Variants in DHX29 observed in about 807,000 individuals in gnomAD.
DHX29 encodes the protein DExH-box helicase 29, also known as ATP-dependent RNA helicase DHX29.
A neutral mutation model predicts 167.9 loss-of-function variants in DHX29; 79 were observed. The observed-to-expected ratio is 0.47, with a 90% CI of 0.39 to 0.57. DHX29 has a LOEUF of 0.57. DHX29 is among the 20% of genes least tolerant of loss of function. DHX29 has a pLI of 0.00. For synonymous variants in DHX29, 530 were observed against 546.0 expected (o/e 0.97, Z 0.41); for missense variants, 1,347 against 1,593.4 (o/e 0.85, Z 2.63).
chr5:55,307,113 A>C (rs1402673587), intron 1 of DHX29, among the ~76,000 whole-genome samples: 1 of 152,160 alleles, frequency 6.6e-6, no homozygotes, highest in Non-Finnish European at 1.5e-5. Context: ...CTGAAACAGG[A>C]GCTAATGCAA....
At chr5:55,260,630 T>C (rs902268175) in intron 25 of DHX29, among the ~76,000 whole-genome samples, 1 of 152,206 alleles carries the variant, frequency 6.6e-6, no homozygotes, top group South Asian at 2.1e-4. Context: ...ACAATCCAGT[T>C]ATAAAACATT....
intron 13 of DHX29, 40 bp from the exon 14 acceptor site, chr5:55,276,446 C>A: frequency 1.3e-6 from 2 of 1,491,706 alleles, no homozygotes; most frequent in South Asian, 1.3e-5. Flanking sequence ...AATTCAAATT[C>A]GTTTCAGTAA....
intron 17 of DHX29, among the ~76,000 whole-genome samples, 175 bp from the exon 18 acceptor site, chr5:55,272,350 C>T (rs1347404994): frequency 1.3e-5 from 2 of 152,148 alleles, no homozygotes; most frequent in Middle Eastern, 3.2e-3. Context: ...GTTTTGTCAG[C>T]TTAGCTTACT....
intron 23 of DHX29, 75 bp from the exon 24 acceptor site, chr5:55,263,007 T>G: frequency 9.0e-7 from 1 of 1,114,840 alleles, no homozygotes; most frequent in Non-Finnish European, 1.3e-6. Flanking sequence ...GTAGTTTATA[T>G]TACTGCTTCC....
chr5:55,278,209 A>C (rs1351754382), intron 12 of DHX29, among the ~76,000 whole-genome samples: 1 of 152,182 alleles, frequency 6.6e-6, no homozygotes, highest in Non-Finnish European at 1.5e-5. Flanking sequence ...AACTTTCTGT[A>C]CTGTGACTTA....
At chr5:55,269,942 G>C (rs1042080779) in intron 20 of DHX29, among the ~76,000 whole-genome samples, 2 of 152,070 alleles carry the variant, frequency 1.3e-5, no homozygotes, top group Non-Finnish European at 2.9e-5. Context: ...GGATATTATA[G>C]ATCTTTCAGT....
intron 22 of DHX29, among the ~76,000 whole-genome samples, 173 bp downstream of exon 22, chr5:55,267,513 G>A (rs1746638228): frequency 6.6e-6 from 1 of 151,968 alleles, no homozygotes; most frequent in Non-Finnish European, 1.5e-5. Context: ...TTAAGTTTTA[G>A]GAAGGATTAT....
intron 23 of DHX29, among the ~76,000 whole-genome samples, chr5:55,264,126 C>G (rs530663573): frequency 6.6e-6 from 1 of 151,344 alleles, no homozygotes; most frequent in Non-Finnish European, 1.5e-5. Context: ...GAGACCCCAT[C>G]TATTTAAAAA....
intron 6 of DHX29, among the ~76,000 whole-genome samples, chr5:55,293,199 G>A (rs1051479677): frequency 1.1e-4 from 17 of 152,314 alleles, no homozygotes; most frequent in South Asian, 4.1e-4. Flanking sequence ...CATATGGGCT[G>A]TTTGCAGTGT....
At chr5:55,284,004 T>C (rs538259888) in intron 10 of DHX29, among the ~76,000 whole-genome samples, 193 bp from the exon 11 acceptor site, 2 of 152,348 alleles carry the variant, frequency 1.3e-5, no homozygotes, top group South Asian at 4.1e-4. Flanking sequence ...TCTTAAAATA[T>C]AATTTGACTC....
chr5:55,301,379 T>G (rs1054476637), intron 1 of DHX29, among the ~76,000 whole-genome samples: 1 of 152,152 alleles, frequency 6.6e-6, no homozygotes, highest in Non-Finnish European at 1.5e-5. Flanking sequence ...CTCAGGTTCC[T>G]TAGGACCTCC....
At chr5:55,285,947 C>T (rs1044849269) in intron 8 of DHX29, 86 bp from the exon 9 acceptor site, 2 of 1,131,250 alleles carry the variant, frequency 1.8e-6, no homozygotes, top group South Asian at 1.9e-5. Context: ...CTTTGGAGAA[C>T]AGCACTTTTA....
chr5:55,285,218 CA>C, intron 10 of DHX29, 74 bp downstream of exon 10: 1 of 1,561,326 alleles, frequency 6.4e-7, no homozygotes, highest in African/African-American at 1.4e-5. Context: ...AAGAAACAGT[CA>C]ATAAAGAGAA....
intron 13 of DHX29, among the ~76,000 whole-genome samples, chr5:55,276,709 A>G (rs1043619748): frequency 6.6e-6 from 1 of 152,202 alleles, no homozygotes; most frequent in Non-Finnish European, 1.5e-5. Context: ...AATATGTAGA[A>G]AGGAAGCTTC....
intron 20 of DHX29, 62 bp downstream of exon 20, chr5:55,270,350 A>ATTTT: frequency 6.7e-7 from 1 of 1,498,392 alleles, no homozygotes; most frequent in Admixed American, 2.5e-5. Flanking sequence ...TTAGGTGTTC[A>ATTTT]TTTTTTTTCT....
chr5:55,269,243 C>CCA (rs747406989), intron 21 of DHX29, among the ~76,000 whole-genome samples, 170 bp downstream of exon 21: 3 of 72,666 alleles, frequency 4.1e-5, no homozygotes, highest in Admixed American at 1.6e-4. Context: ...GACCCTGTCT[C>CCA]AAAAAAAAAA....
At chr5:55,271,236 C>T (rs1746839966) in intron 18 of DHX29, among the ~76,000 whole-genome samples, 1 of 152,156 alleles carries the variant, frequency 6.6e-6, no homozygotes, top group African/African-American at 2.4e-5. Flanking sequence ...CCTATTTATT[C>T]AATATAAACA....
chr5:55,307,643 T>A lies in DHX29; in HGVS notation c.-70A>T. ...GTACCACTGCACAGCCGAGAGCTCT[T>A]CACATTCCCCGGCTCCGGGGCTGCC... is the stretch of plus-strand genomic sequence containing the variant. On this transcript the variant is annotated 5_prime_UTR_variant, in exon 1 of 27. It removes the in-frame stop codon of an upstream open reading frame in the 5' UTR. Coordinates refer to ENST00000251636, the MANE Select transcript of DHX29 (RefSeq NM_019030.4). The A allele has an allele frequency of 6.4e-7, 1 of 1,562,070 alleles. No individual in the cohort carries two copies. The highest frequency in any genetic ancestry group is 2.3e-5 in the East Asian group (1 of 44,338).
rs758460795 is a variant in DHX29, at chr5:55,283,631, T to C, written c.1537A>G (p.Lys513Glu). Residue 513 changes from lysine (K) to glutamate (E), a missense_variant, in exon 11 of 27, where the codon AAG (lysine) becomes GAG (glutamate). Coordinates refer to ENST00000251636, the MANE Select transcript of DHX29 (RefSeq NM_019030.4). The stretch of plus-strand genomic sequence containing the variant: ...TCGGGATCTTCAGAGTTTTCTCTCT[T>C]ATTTTCAGAATGCTGTTGTTGCTGC... The part of the protein sequence containing the change: ...QQQQQQHSEN[K>E]RENSEDPEES... 5.6e-6 allele frequency: 9 copies of C among 1,614,016 alleles called. No homozygotes were observed. Among genetic ancestry groups the C allele is most frequent in the Non-Finnish European group, 5.9e-6 (7 of 1,180,010 alleles).
Sources: allele counts gnomAD v4.1 joint callset (sites outside exome capture counted in the v4.1 genomes callset), GRCh38; gene constraint gnomAD v4.1.1; transcripts MANE v1.5; gene names NCBI Gene and HGNC (gene_info 2026-07-23, HGNC 2026-07-21).